FKTN: variants seen among roughly 807,000 people sequenced by gnomAD.
FKTN encodes fukutin.
In FKTN, 47 loss-of-function variants were observed where a neutral mutation model predicts 58.6. The observed-to-expected ratio is 0.80, with a 90% CI of 0.63 to 1.02. The LOEUF is 1.02. Among genes scored for constraint, FKTN ranks in the 50% least tolerant of loss-of-function variants. FKTN has a pLI of 0.00. For synonymous variants in FKTN, 178 were observed against 191.9 expected (o/e 0.93, Z 0.60); for missense variants, 516 against 537.3 (o/e 0.96, Z 0.39).
In FKTN at chr9:105,604,417, T is replaced by A; in HGVS notation, c.572T>A (p.Leu191His). 6.2e-7 allele frequency: 1 copy of A among 1,614,128 alleles called. No individual in the cohort carries two copies. Among genetic ancestry groups the A allele is most frequent in the Non-Finnish European group, 8.5e-7 (1 of 1,179,944 alleles). ...GNYLWHGHLRLKEHIDRKFVP... is the reference protein window; with the variant it reads ...GNYLWHGHLRHKEHIDRKFVP... Reference sequence around the variant, plus strand: ...TACCTCTGGCACGGCCACTTGAGACTTAAAGAACACATTGACAGGAAATTT... The same window carrying A: ...TACCTCTGGCACGGCCACTTGAGACATAAAGAACACATTGACAGGAAATTT... Residue 191 changes from leucine (L) to histidine (H), a missense_variant, in exon 6 of 11, where the codon CTT (leucine) becomes CAT (histidine). By Grantham distance (99) the Leu-to-His change is moderately conservative. Coordinates refer to ENST00000357998, the MANE Select transcript of FKTN (RefSeq NM_001079802.2).
At position 105,636,966 on chromosome 9, in the gene FKTN, G is replaced by A; in HGVS notation, c.*1702G>A. ...ATTGGGTCTTTCATAAATAACATGAGTGGTTTCTGGAGACATTTAAGATTG... is the reference window on the plus strand; with the variant it reads ...ATTGGGTCTTTCATAAATAACATGAATGGTTTCTGGAGACATTTAAGATTG... On this transcript the variant is annotated 3_prime_UTR_variant, in exon 11 of 11. Coordinates refer to ENST00000357998, the MANE Select transcript of FKTN (RefSeq NM_001079802.2). 2 of 1,023,674 alleles carry A rather than the reference G, an allele frequency of 2.0e-6. No homozygotes were observed. Among genetic ancestry groups the A allele is most frequent in the Non-Finnish European group, 2.4e-6 (2 of 848,260 alleles). The allele number at this position is 1,023,674 out of a possible 1,614,324, so 63.4% of individuals were successfully genotyped here.
Position 105,636,901 on chromosome 9 carries a change from A to G in FKTN, c.*1637A>G, listed in dbSNP as rs924724638. 2.7e-6 allele frequency: 3 copies of G among 1,095,268 alleles called. No individual in the cohort carries two copies. Among genetic ancestry groups the G allele is most frequent in the Middle Eastern group, 3.2e-4 (1 of 3,106 alleles). 67.8% of individuals were successfully genotyped at this position (1,095,268 alleles called of 1,614,324 possible). A position where few individuals can be genotyped will look rare whatever the true frequency, so the allele number is the denominator to read the frequency against. ...TGAAAACCTTTGATAAATGATAACC[A>G]ACAGTCTTCTGTCCTAATTTGCATT... On this transcript the variant is annotated 3_prime_UTR_variant, in exon 11 of 11. Transcript: ENST00000357998.
chr9:105,589,493 C>T (rs1844473626), intron 3 of FKTN, among the ~76,000 whole-genome samples: 1 of 150,780 alleles, frequency 6.6e-6, no homozygotes, highest in African/African-American at 2.5e-5. Context: ...CAGAATGAGA[C>T]TCCATCTCAA....
At chr9:105,627,719 A>G (rs978016677) in intron 10 of FKTN, among the ~76,000 whole-genome samples, 2 of 151,984 alleles carry the variant, frequency 1.3e-5, no homozygotes, top group African/African-American at 4.8e-5. Context: ...TCTGGAAATA[A>G]TCTTCTCTTC....
chr9:105,601,410 G>C, intron 5 of FKTN, 62 bp downstream of exon 5: 1 of 1,199,094 alleles, frequency 8.3e-7, no homozygotes, highest in Non-Finnish European at 1.2e-6. Context: ...ATAGGTTTAG[G>C]CTAGTTTAAA....
chr9:105,577,135 G>A (rs1296184917), intron 3 of FKTN, among the ~76,000 whole-genome samples: 3 of 147,468 alleles, frequency 2.0e-5, no homozygotes, highest in Admixed American at 6.7e-5. Context: ...TCACTCTGAT[G>A]GTAGTTTCTT....
chr9:105,563,002 A>C (rs1294949683), intron 1 of FKTN, among the ~76,000 whole-genome samples: 1 of 152,088 alleles, frequency 6.6e-6, no homozygotes, highest in African/African-American at 2.4e-5. Flanking sequence ...TTGATATATC[A>C]TTCATTCATT....
At chr9:105,560,980 G>A (rs746332815) in intron 1 of FKTN, among the ~76,000 whole-genome samples, 2 of 152,036 alleles carry the variant, frequency 1.3e-5, no homozygotes, top group South Asian at 2.1e-4. Context: ...CCAGCTACTC[G>A]GGAGGCTGAG....
intron 10 of FKTN, among the ~76,000 whole-genome samples, chr9:105,621,444 T>A (rs1221149167): frequency 1.3e-5 from 2 of 152,162 alleles, no homozygotes; most frequent in Non-Finnish European, 2.9e-5. Flanking sequence ...TTTAATGTAT[T>A]TTAAATTTTT....
chr9:105,598,071 TC>T (rs745633721), intron 4 of FKTN: 24 of 454,932 alleles, frequency 5.3e-5, no homozygotes, highest in South Asian at 3.6e-4. Flanking sequence ...CGTGACTCTA[TC>T]CTTTTCATTC....
Position 105,640,053 on chromosome 9 carries a change from A to G in FKTN, c.*4789A>G, listed in dbSNP as rs1270176250. ...TTGTTAATAAAGGAGAATTGAAAAT[A>G]CTCATTTCTACTTTCTGCCCTCAAA... On this transcript the variant is annotated 3_prime_UTR_variant, in exon 11 of 11. Transcript: ENST00000357998. 6.5e-7 allele frequency: 1 copy of G among 1,532,862 alleles called. No homozygotes were observed. Among genetic ancestry groups the G allele is most frequent in the Non-Finnish European group, 8.7e-7 (1 of 1,144,446 alleles). 95.0% of individuals were successfully genotyped at this position (1,532,862 alleles called of 1,614,324 possible).
At chr9:105,592,457 TG>T (rs1297435197) in intron 3 of FKTN, among the ~76,000 whole-genome samples, 10 of 152,016 alleles carry the variant, frequency 6.6e-5, no homozygotes, top group Non-Finnish European at 1.3e-4. Context: ...GCCAATATGG[TG>T]AAACCCTGTC....
chr9:105,638,045 T>G lies in FKTN; in HGVS notation c.*2781T>G, dbSNP rs987324859. The G allele has an allele frequency of 2.0e-6, 2 of 980,508 alleles. No individual in the cohort carries two copies. The highest frequency in any genetic ancestry group is 1.1e-4 in the East Asian group (1 of 8,810). 60.7% of individuals were successfully genotyped at this position (980,508 alleles called of 1,614,324 possible). A position where few individuals can be genotyped will look rare whatever the true frequency, so the allele number is the denominator to read the frequency against. ...GTGAAAATCATTCTGCTTTTGAATC[T>G]TAAAAGCTAGAAAAACCATAATGTA... On this transcript the variant is annotated 3_prime_UTR_variant, in exon 11 of 11. Coordinates refer to ENST00000357998, the MANE Select transcript of FKTN (RefSeq NM_001079802.2).
intron 1 of FKTN, among the ~76,000 whole-genome samples, chr9:105,566,857 G>T (rs974269279): frequency 6.6e-6 from 1 of 152,156 alleles, no homozygotes; most frequent in Non-Finnish European, 1.5e-5. Context: ...GAGAATTTTA[G>T]ATCAATATCC....
chr9:105,569,786 C>G (rs368667066), intron 1 of FKTN, among the ~76,000 whole-genome samples: 6 of 152,154 alleles, frequency 3.9e-5, no homozygotes, highest in African/African-American at 1.2e-4. Context: ...TAACTCCCCT[C>G]GTTACATCTT....
At chr9:105,615,739 C>T (rs1485527240) in intron 8 of FKTN, among the ~76,000 whole-genome samples, 1 of 151,836 alleles carries the variant, frequency 6.6e-6, no homozygotes, top group Non-Finnish European at 1.5e-5. Context: ...CCTGAAATCT[C>T]CGATAGTACT....
chr9:105,568,339 A>G (rs1554727643), intron 1 of FKTN, among the ~76,000 whole-genome samples: 1 of 152,242 alleles, frequency 6.6e-6, no homozygotes, highest in Non-Finnish European at 1.5e-5. Flanking sequence ...AGAAACTACC[A>G]TCAGAGTGAA....
At chr9:105,604,618 T>C in intron 6 of FKTN, 126 bp downstream of exon 6, 1 of 773,898 alleles carries the variant, frequency 1.3e-6, no homozygotes, top group Non-Finnish European at 2.1e-6. Context: ...GTAACATTAT[T>C]CTTAATGACT....
intron 5 of FKTN, among the ~76,000 whole-genome samples, chr9:105,602,078 T>C (rs1827968924): frequency 6.6e-6 from 1 of 152,212 alleles, no homozygotes; most frequent in African/African-American, 2.4e-5. Flanking sequence ...TGAATGATAT[T>C]GTTGTTGGCA....
Sources: gnomAD v4.1 joint callset for allele counts (sites outside exome capture counted in the v4.1 genomes callset) on GRCh38, gnomAD v4.1.1 for gene constraint, MANE v1.5 for transcripts, NCBI Gene and HGNC (gene_info 2026-07-23, HGNC 2026-07-21) for gene names.